The following PLPPR3 variants were observed in gnomAD, a reference collection of about 807,000 sequenced individuals.
PLPPR3 encodes the protein phospholipid phosphatase related 3.
In PLPPR3, 14 loss-of-function variants were observed where a neutral mutation model predicts 27.3. The observed-to-expected ratio is 0.51, with a 90% CI of 0.34 to 0.80. The LOEUF (loss-of-function observed/expected upper bound fraction) is 0.80, where lower values mean the gene tolerates loss of function less well. Among genes scored for constraint, PLPPR3 ranks in the 30% least tolerant of loss-of-function variants. The probability of loss-of-function intolerance (pLI) is 0.01; values close to 1 mark genes in which losing one functional copy is unlikely to be tolerated. For missense variants in PLPPR3, 1,287 were observed against 1,056.9 expected (o/e 1.22, Z -3.02); for synonymous variants, 671 against 508.0 (o/e 1.32, Z -4.32).
At chr19:822,813 G>A (rs2035168484), upstream of PLPPR3, among the ~76,000 whole-genome samples, 1 of 152,180 alleles carries the variant, frequency 6.6e-6, no homozygotes. Context: ...GCCCCAAACG[G>A]CAGGATTTAC....
chr19:818,916 C>T (rs2145080043), intron 2 of PLPPR3, among the ~76,000 whole-genome samples: 1 of 151,062 alleles, frequency 6.6e-6, no homozygotes, highest in East Asian at 2.0e-4. Flanking sequence ...GCCTCAGCCT[C>T]CCAAAGCACT....
At chr19:814,771 AG>A (rs1568284681) in intron 5 of PLPPR3, 22 bp from the exon 6 acceptor site, 1 of 1,559,492 alleles carries the variant, frequency 6.4e-7, no homozygotes, top group East Asian at 2.3e-5. Context: ...GTCCAGCGTG[AG>A]CCCCGCCCAC....
intron 5 of PLPPR3, 42 bp downstream of exon 5, chr19:814,844 G>T: frequency 6.3e-7 from 1 of 1,592,084 alleles, no homozygotes; most frequent in Non-Finnish European, 8.5e-7. Context: ...TCACCGGGGC[G>T]GAAGAAGGCT....
In PLPPR3 at chr19:814,582, T is replaced by G; in HGVS notation, c.683A>C (p.Asp228Ala). Reference sequence around the variant, plus strand: ...GATGGGCTTCAGCAGCTTGGTGGTGTCCGAGATGACCGAGTTGAAGTACAT... The same window carrying G: ...GATGGGCTTCAGCAGCTTGGTGGTGGCCGAGATGACCGAGTTGAAGTACAT... ...VSMYFNSVIS[D>A]TTKLLKPILV... The change falls in exon 7 of 8, where the codon GAC becomes GCC. Residue 228 changes from aspartate to alanine, a missense_variant. Physicochemically the swap from Asp to Ala is moderately radical, Grantham distance 126. Coordinates refer to ENST00000520876, the MANE Select transcript of PLPPR3 (RefSeq NM_001270366.2). 6.2e-7 allele frequency: 1 copy of G among 1,612,144 alleles called. No individual in the cohort carries two copies. Among genetic ancestry groups the G allele is most frequent in the Non-Finnish European group, 8.5e-7 (1 of 1,179,960 alleles).
rs189344455 is a variant in PLPPR3 at position 813,361 on chromosome 19, C to T, written c.1366G>A (p.Glu456Lys). Residue 456 changes from glutamate (E) to lysine (K), a missense_variant, in exon 8 of 8, where the codon GAA (glutamate) becomes AAA (lysine). Transcript: ENST00000520876. This position sits in a 1 kb window ranked among gnomAD's most constrained non-coding sequence, Gnocchi z 4.1. ...EEDEEEEEEE[E>K]EEEDEGPAPP... ...GCCGGGCCCTCGTCCTCCTCCTCTT[C>T]CTCCTCCTCCTCTTCCTCTTCGTCC... The T allele has an allele frequency of 3.4e-6, 5 of 1,479,928 alleles. No homozygotes were observed. Among genetic ancestry groups the T allele is most frequent in the African/African-American group, 1.4e-5 (1 of 69,490 alleles). The allele number at this position is 1,479,928 out of a possible 1,614,324, so 91.7% of individuals were successfully genotyped here.
In PLPPR3 at chr19:813,665, C is replaced by A. The variant is rs2034992266; in HGVS notation, c.1062G>T (p.Val354=). The change falls in exon 8 of 8, where the codon GTG becomes GTT. Residue 354 remains valine, a synonymous_variant. Coordinates refer to ENST00000520876, the MANE Select transcript of PLPPR3 (RefSeq NM_001270366.2). This position sits in a 1 kb window ranked among gnomAD's most constrained non-coding sequence, Gnocchi z 4.1. ...TGCGCGGGGCCAGCAGGTCCACGTC[C>A]ACGCTGGCGCGCTTCAGGCTGCCCA... ...TSLGSLKRAS[V]DVDLLAPRSP... 4 of 1,535,034 alleles carry A rather than the reference C, an allele frequency of 2.6e-6. No individual in the cohort carries two copies. The highest frequency in any genetic ancestry group is 3.5e-6 in the Non-Finnish European group (4 of 1,144,796).
In PLPPR3 at chr19:813,718, G is replaced by A. The variant is rs1340097743; in HGVS notation, c.1009C>T (p.Arg337Trp). Residue 337 changes from arginine to tryptophan, a missense_variant, in exon 8 of 8, where the codon CGG becomes TGG. By Grantham distance (101) the Arg-to-Trp change is moderately radical (BLOSUM62 -3). Transcript: ENST00000520876. The surrounding 1 kb of genome is among the most constrained non-coding windows in gnomAD (Gnocchi z 4.1). ...GPPGRLEGAP[R>W]PVAREKTSLG... The stretch of plus-strand genomic sequence containing the variant: ...GAGGTCTTCTCGCGGGCCACGGGCC[G>A]GGGCGCGCCCTCCAGCCGCCCTGGG... 4 of 1,525,438 alleles carry A rather than the reference G, an allele frequency of 2.6e-6. No homozygotes were observed. The highest frequency in any genetic ancestry group is 3.5e-6 in the Non-Finnish European group (4 of 1,142,104). 94.5% of individuals were successfully genotyped at this position (1,525,438 alleles called of 1,614,324 possible).
chr19:812,535 C>G lies in PLPPR3; in HGVS notation c.*35G>C, dbSNP rs2034937464. 1.0e-6 allele frequency: 1 copy of G among 981,730 alleles called. No individual in the cohort carries two copies. The highest frequency in any genetic ancestry group is 1.8e-5 in the African/African-American group (1 of 56,626). The allele number at this position is 981,730 out of a possible 1,614,324, so 60.8% of individuals were successfully genotyped here. A position where few individuals can be genotyped will look rare whatever the true frequency, so the allele number is the denominator to read the frequency against. ...GCATCCGCGCGGCCGCCCGCGCCCT[C>G]GGCCCGCCCCCCGCCCGCCCCCGGC... On this transcript the variant is annotated 3_prime_UTR_variant, in exon 8 of 8. Transcript: ENST00000520876.
upstream of PLPPR3, among the ~76,000 whole-genome samples, chr19:823,450 A>AAAAAACCAAAC (rs1555703872): frequency 7.0e-6 from 1 of 143,838 alleles, no homozygotes; most frequent in Admixed American, 7.1e-5. Context: ...TCAAAAAAAA[A>AAAAAACCAAAC]AAAAAAAACA....
At chr19:823,583 G>T (rs1204728880), upstream of PLPPR3, among the ~76,000 whole-genome samples, 1 of 152,240 alleles carries the variant, frequency 6.6e-6, no homozygotes, top group Non-Finnish European at 1.5e-5. Context: ...AATGGCGATG[G>T]GAATAGGATG....
rs2034936975 is a variant in PLPPR3, at chr19:812,528, GCGCCCTCGGCC to G, written c.*31_*41del. 2.0e-6 allele frequency: 2 copies of G among 988,694 alleles called. No individual in the cohort carries two copies. The highest frequency in any genetic ancestry group is 1.2e-6 in the Non-Finnish European group (1 of 831,602). The allele number at this position is 988,694 out of a possible 1,614,324, so 61.2% of individuals were successfully genotyped here. A position where few individuals can be genotyped will look rare whatever the true frequency, so the allele number is the denominator to read the frequency against. Reference sequence around the variant, plus strand: ...TTATTGAGCATCCGCGCGGCCGCCCGCGCCCTCGGCCCGCCCCCCGCCCGCCCCCGGCCCCG... The same window carrying G: ...TTATTGAGCATCCGCGCGGCCGCCCGCGCCCCCCGCCCGCCCCCGGCCCCG... On this transcript the variant is annotated 3_prime_UTR_variant, in exon 8 of 8. Coordinates refer to ENST00000520876, the MANE Select transcript of PLPPR3 (RefSeq NM_001270366.2).
Position 812,887 on chromosome 19 carries a change from C to T in PLPPR3, c.1840G>A (p.Glu614Lys). The change falls in exon 8 of 8, where the codon GAG becomes AAG. Residue 614 changes from glutamate to lysine, a missense_variant. Physicochemically the swap from Glu to Lys is moderately conservative, Grantham distance 56 (BLOSUM62 1). Transcript: ENST00000520876. The part of the protein sequence containing the change: ...WKAAGGGAKA[E>K]ADGGYELGDL... ...CCCAGCTCGTAGCCGCCGTCGGCCT[C>T]CGCCTTGGCCCCGCCGCCCGCCGCC... is the stretch of plus-strand genomic sequence containing the variant. 1 of 1,240,346 alleles carries T rather than the reference C, an allele frequency of 8.1e-7. No homozygotes were observed. The allele number at this position is 1,240,346 out of a possible 1,614,324, so 76.8% of individuals were successfully genotyped here. A position where few individuals can be genotyped will look rare whatever the true frequency, so the allele number is the denominator to read the frequency against.
At chr19:819,808 C>T (rs1432717856) in intron 2 of PLPPR3, among the ~76,000 whole-genome samples, 1 of 152,016 alleles carries the variant, frequency 6.6e-6, no homozygotes, top group Non-Finnish European at 1.5e-5. Context: ...ATCACTAGAG[C>T]CGGTTTTCCT....
In PLPPR3 at chr19:813,258, G is replaced by A. The variant is rs2034973528; in HGVS notation, c.1469C>T (p.Pro490Leu). Residue 490 changes from proline to leucine, a missense_variant, in exon 8 of 8, where the codon CCG becomes CTG. Coordinates refer to ENST00000520876, the MANE Select transcript of PLPPR3 (RefSeq NM_001270366.2). This position sits in a 1 kb window ranked among gnomAD's most constrained non-coding sequence, Gnocchi z 4.1. Reference protein sequence around the residue: ...PRVILPPRAGPPPLVHIPEEG... With the variant: ...PRVILPPRAGLPPLVHIPEEG... ...CTCCGGGATGTGCACCAGCGGCGGCGGCCCCGCGCGCGGTGGGAGGATGAC... is the reference window on the plus strand; with the variant it reads ...CTCCGGGATGTGCACCAGCGGCGGCAGCCCCGCGCGCGGTGGGAGGATGAC... 4 of 1,471,390 alleles carry A rather than the reference G, an allele frequency of 2.7e-6. No homozygotes were observed. Among genetic ancestry groups the A allele is most frequent in the East Asian group, 2.8e-5 (1 of 35,388 alleles). The allele number at this position is 1,471,390 out of a possible 1,614,324, so 91.1% of individuals were successfully genotyped here.
At chr19:821,359 G>C in intron 2 of PLPPR3, 126 bp downstream of exon 2, 4 of 507,112 alleles carry the variant, frequency 7.9e-6, no homozygotes, top group Non-Finnish European at 1.2e-5. Flanking sequence ...CGGACACCCC[G>C]GTCCTGCCCC....
rs757481346 is a variant in PLPPR3, at chr19:813,350, C to G, written c.1377G>C (p.Glu459Asp). ...GCGAGGGCGGGGCCGGGCCCTCGTC[C>G]TCCTCCTCTTCCTCCTCCTCCTCTT... ...EEEEEEEEEE[E>D]DEGPAPPSLY... Residue 459 changes from glutamate (E) to aspartate (D), a missense_variant, in exon 8 of 8, where the codon GAG (glutamate) becomes GAC (aspartate). Transcript: ENST00000520876. This position sits in a 1 kb window ranked among gnomAD's most constrained non-coding sequence, Gnocchi z 4.1. 245 of 1,478,898 alleles carry G rather than the reference C, an allele frequency of 1.7e-4. No homozygotes were observed. The highest frequency in any genetic ancestry group is 1.2e-4 in the Admixed American group (5 of 41,342). 91.6% of individuals were successfully genotyped at this position (1,478,898 alleles called of 1,614,324 possible).
chr19:821,306 T>C (rs2035140711), intron 2 of PLPPR3, among the ~76,000 whole-genome samples, 179 bp downstream of exon 2: 1 of 150,484 alleles, frequency 6.6e-6, no homozygotes, highest in African/African-American at 2.5e-5. Flanking sequence ...GAGCTCCTAC[T>C]CGACCCGCAC....
intron 2 of PLPPR3, 65 bp from the exon 3 acceptor site, chr19:815,916 C>T (rs2035045841): frequency 2.0e-6 from 3 of 1,530,780 alleles, no homozygotes; most frequent in African/African-American, 2.7e-5. Flanking sequence ...TCCAGCCCTC[C>T]ATGAATTCAG....
chr19:821,011 A>G (rs948813775), intron 2 of PLPPR3, among the ~76,000 whole-genome samples: 4 of 152,212 alleles, frequency 2.6e-5, no homozygotes, highest in East Asian at 1.9e-4. Context: ...ACGTTTCCGT[A>G]TTCTGTAGAT....
Sources: allele counts gnomAD v4.1 joint callset (sites outside exome capture counted in the v4.1 genomes callset), GRCh38; gene constraint gnomAD v4.1.1; non-coding constraint Gnocchi (gnomAD v3.1); transcripts MANE v1.5; gene names NCBI Gene and HGNC (gene_info 2026-07-23, HGNC 2026-07-21).